PKP4: variants seen among roughly 807,000 people sequenced by gnomAD.
PKP4 encodes the protein plakophilin 4.
In PKP4, 90 loss-of-function variants were observed where a neutral mutation model predicts 145.1. That is an observed-to-expected ratio of 0.62 (90% CI 0.52 to 0.74). The LOEUF (loss-of-function observed/expected upper bound fraction) is 0.74. Ranked by LOEUF, PKP4 falls within the 30% of genes least tolerant of loss-of-function variation. The pLI, the probability that PKP4 is intolerant of heterozygous loss-of-function variation, is 0.00. For missense variants in PKP4, 1,340 were observed against 1,482.7 expected, an observed-to-expected ratio of 0.90 and a Z score of 1.58; for synonymous variants, 563 against 577.2, an observed-to-expected ratio of 0.98 and a Z score of 0.35.
At chr2:158,502,609 T>C (rs1306968696) in intron 1 of PKP4, among the ~76,000 whole-genome samples, 1 of 152,202 alleles carries the variant, frequency 6.6e-6, no homozygotes, top group Non-Finnish European at 1.5e-5. Flanking sequence ...AGTTGAAATC[T>C]CTGCTACCAC....
Position 158,663,650 on chromosome 2 carries a change from A to G in PKP4, c.2577+205A>G, listed in dbSNP as rs568444442. Among the ~76,000 whole-genome samples the G allele has an allele frequency of 5.9e-5, 9 of 152,300 alleles. No individual in the cohort carries two copies. In the South Asian group the frequency reaches 1.5e-3, roughly 25 times the overall value. On this transcript the variant is annotated intron_variant, in intron 15 of 21. Coordinates refer to ENST00000389759, the MANE Select transcript of PKP4 (RefSeq NM_003628.6). ...CAAAGATAAATACAAGTCCCTCACT[A>G]TGAGAAACAGAAGGCTAGTGAGAAA...
intron 11 of PKP4, among the ~76,000 whole-genome samples, chr2:158,655,741 T>C (rs1558960708): frequency 1.3e-5 from 2 of 152,362 alleles, no homozygotes; most frequent in East Asian, 1.9e-4. Flanking sequence ...TCACATGTTA[T>C]GAAACTGTCA....
At chr2:158,627,804 GTAA>G (rs1031708998) in intron 7 of PKP4, among the ~76,000 whole-genome samples, 20 of 151,466 alleles carry the variant, frequency 1.3e-4, no homozygotes, top group Middle Eastern at 3.4e-3. Flanking sequence ...TGGAATCACC[GTAA>G]TAATAGCTAA....
At chr2:158,520,037 T>C (rs2105560244) in intron 1 of PKP4, among the ~76,000 whole-genome samples, 1 of 152,350 alleles carries the variant, frequency 6.6e-6, no homozygotes, top group South Asian at 2.1e-4. Flanking sequence ...CTTTTTTCCT[T>C]CTTTCCTCTA....
chr2:158,629,597 T>G (rs1350298593), intron 7 of PKP4, among the ~76,000 whole-genome samples: 1 of 152,192 alleles, frequency 6.6e-6, no homozygotes, highest in Non-Finnish European at 1.5e-5. Context: ...TTTAGAAGCT[T>G]TATGCATGTG....
chr2:158,591,268 A>G (rs886379002), intron 3 of PKP4, among the ~76,000 whole-genome samples: 8 of 152,106 alleles, frequency 5.3e-5, no homozygotes, highest in Non-Finnish European at 1.0e-4. Context: ...GGGAATATGA[A>G]TACTGACTAG....
chr2:158,516,658 CTTT>C (rs764067744), intron 1 of PKP4, among the ~76,000 whole-genome samples: 3 of 132,456 alleles, frequency 2.3e-5, no homozygotes, highest in Admixed American at 7.7e-5. Flanking sequence ...ATATACTTTT[CTTT>C]TTTTTTTTTT....
intron 1 of PKP4, among the ~76,000 whole-genome samples, chr2:158,466,906 A>T (rs16842959): frequency 0.037 from 5,659 of 152,306 alleles, 240 homozygotes; most frequent in African/African-American, 0.11. Context: ...CCTTTTGTGA[A>T]TCAGTAATAT....
At chr2:158,470,568 C>G (rs536166317) in intron 1 of PKP4, among the ~76,000 whole-genome samples, 1 of 152,316 alleles carries the variant, frequency 6.6e-6, no homozygotes, top group Admixed American at 6.5e-5. Context: ...TCATTATTTT[C>G]TTCAACCCAT....
Position 158,673,964 on chromosome 2 carries a change from A to G in PKP4, c.3091A>G (p.Thr1031Ala). ...ATTCAAATCACATCCTTCCTTGTCT[A>G]CCACCAACCAACAGATGTCACCCAT... is the stretch of plus-strand genomic sequence containing the variant. ...DRFKSHPSLS[T>A]TNQQMSPIIQ... Residue 1031 changes from threonine to alanine, a missense_variant, in exon 19 of 22, where the codon ACC becomes GCC. Coordinates refer to ENST00000389759, the MANE Select transcript of PKP4 (RefSeq NM_003628.6). 5 of 1,610,410 alleles carry G rather than the reference A, an allele frequency of 3.1e-6. No homozygotes were observed. The highest frequency in any genetic ancestry group is 1.1e-5 in the South Asian group (1 of 91,022).
chr2:158,641,558 T>C (rs1391774944), intron 10 of PKP4, among the ~76,000 whole-genome samples: 3 of 152,196 alleles, frequency 2.0e-5, no homozygotes, highest in East Asian at 3.8e-4. Flanking sequence ...ATATAACATA[T>C]AGATTCTTTC....
At chr2:158,531,345 G>A (rs556640761) in intron 1 of PKP4, among the ~76,000 whole-genome samples, 1 of 151,578 alleles carries the variant, frequency 6.6e-6, no homozygotes, top group Non-Finnish European at 1.5e-5. Context: ...AAAATTTTTG[G>A]TTCTTGGCAT....
chr2:158,667,169 C>T (rs954101909), intron 16 of PKP4, among the ~76,000 whole-genome samples: 12 of 152,156 alleles, frequency 7.9e-5, no homozygotes, highest in African/African-American at 2.4e-4. Context: ...GACCTCTGTA[C>T]GCTCCGCACC....
chr2:158,458,745 A>G (rs2105366671), intron 1 of PKP4, among the ~76,000 whole-genome samples: 1 of 152,282 alleles, frequency 6.6e-6, no homozygotes. Flanking sequence ...CTCGTATAAT[A>G]CATAATGAAT....
At chr2:158,606,893 G>T (rs980903145) in intron 4 of PKP4, among the ~76,000 whole-genome samples, 15 of 152,160 alleles carry the variant, frequency 9.9e-5, no homozygotes, top group Admixed American at 1.3e-4. Flanking sequence ...TTCAGTTACA[G>T]TTGGGAGATA....
intron 1 of PKP4, among the ~76,000 whole-genome samples, chr2:158,481,793 T>A (rs1369048745): frequency 6.6e-6 from 1 of 152,206 alleles, no homozygotes; most frequent in Non-Finnish European, 1.5e-5. Flanking sequence ...TTTTGTAGAA[T>A]TGACTGATAA....
intron 1 of PKP4, among the ~76,000 whole-genome samples, chr2:158,507,309 G>C: frequency 6.6e-6 from 1 of 152,290 alleles, no homozygotes; most frequent in South Asian, 2.1e-4. Flanking sequence ...ATGAAGATGA[G>C]TTTATGCCGC....
At position 158,468,770 on chromosome 2, in the gene PKP4, C is replaced by CTTTTTTT. The variant is rs58577988; in HGVS notation, c.-6+11565_-6+11571dup. Among the ~76,000 whole-genome samples the CTTTTTTT allele has an allele frequency of 2.3e-4, 25 of 109,962 alleles. 1 individual carries two copies. Among genetic ancestry groups the CTTTTTTT allele is most frequent in the Non-Finnish European group, 3.0e-4 (17 of 57,122 alleles). The allele number at this position is 109,962 out of a possible 152,430, so 72.1% of individuals were successfully genotyped here. On this transcript the variant is annotated intron_variant, in intron 1 of 21. Transcript: ENST00000389759. ...TTAGACATTTTCTTTTCTTCTTCTTCTTTTTTTTTTTTTTTTTTTGAGACA... is the reference window on the plus strand; with the variant it reads ...TTAGACATTTTCTTTTCTTCTTCTTCTTTTTTTTTTTTTTTTTTTTTTTTTTGAGACA...
At chr2:158,673,862 C>G in intron 18 of PKP4, 21 bp from the exon 19 acceptor site, 5 of 1,554,290 alleles carry the variant, frequency 3.2e-6, no homozygotes, top group Non-Finnish European at 4.4e-6. Flanking sequence ...TGAGAGGTTT[C>G]TTTTTCTCTT....
Sources: allele counts gnomAD v4.1 joint callset (sites outside exome capture counted in the v4.1 genomes callset), GRCh38; gene constraint gnomAD v4.1.1; transcripts MANE v1.5; gene names NCBI Gene and HGNC (gene_info 2026-07-23, HGNC 2026-07-21).